GAL3ST1: variants seen among roughly 807,000 people sequenced by gnomAD.
GAL3ST1 encodes galactosylceramide sulfotransferase.
In GAL3ST1, 13 loss-of-function variants were observed where a neutral mutation model predicts 25.0. That is an observed-to-expected ratio of 0.52 (90% CI 0.34 to 0.83). GAL3ST1 has a LOEUF of 0.83. GAL3ST1 is among the 40% of genes least tolerant of loss of function. GAL3ST1 has a pLI of 0.02. For missense variants in GAL3ST1, 474 were observed against 613.6 expected (o/e 0.77, Z 2.40); for synonymous variants, 274 against 277.8 (o/e 0.99, Z 0.14).
intron 1 of GAL3ST1, among the ~76,000 whole-genome samples, chr22:30,566,778 T>A (rs2086637673): frequency 6.7e-6 from 1 of 150,212 alleles, no homozygotes; most frequent in Non-Finnish European, 1.5e-5. Context: ...CTCGGCTAAT[T>A]TTTTGTATTT....
intron 1 of GAL3ST1, among the ~76,000 whole-genome samples, chr22:30,567,275 CTG>C (rs957176789): frequency 7.2e-5 from 11 of 152,002 alleles, no homozygotes; most frequent in African/African-American, 2.2e-4. Flanking sequence ...GGAATGGAAA[CTG>C]TTTTTGTTTT....
chr22:30,568,544 C>A (rs1268376921), intron 1 of GAL3ST1, among the ~76,000 whole-genome samples: 1 of 152,132 alleles, frequency 6.6e-6, no homozygotes, highest in African/African-American at 2.4e-5. Flanking sequence ...TTCAAGAAAA[C>A]GAGAACTGTA....
intron 2 of GAL3ST1, chr22:30,557,738 T>G (rs1484248019): frequency 1.5e-5 from 3 of 204,476 alleles, no homozygotes; most frequent in Non-Finnish European, 2.9e-5. Context: ...TGATAAGAAA[T>G]AAAAGAAAAA....
intron 1 of GAL3ST1, among the ~76,000 whole-genome samples, chr22:30,568,953 G>GT (rs1378704667): frequency 9.9e-5 from 15 of 151,996 alleles, no homozygotes; most frequent in Admixed American, 5.2e-4. Flanking sequence ...GCAGGCGCAT[G>GT]TAATACCAGC....
chr22:30,556,841 T>C (rs906501519), intron 3 of GAL3ST1, among the ~76,000 whole-genome samples: 1 of 152,120 alleles, frequency 6.6e-6, no homozygotes, highest in Non-Finnish European at 1.5e-5. Context: ...TTCAAGCAAT[T>C]CTCCTGCCTC....
At chr22:30,564,585 T>C (rs2086565270) in intron 1 of GAL3ST1, among the ~76,000 whole-genome samples, 1 of 152,194 alleles carries the variant, frequency 6.6e-6, no homozygotes, top group Non-Finnish European at 1.5e-5. Flanking sequence ...GCCCATCACA[T>C]TGGCCTGCAT....
chr22:30,563,615 C>A (rs2412992), intron 1 of GAL3ST1, among the ~76,000 whole-genome samples: 12,021 of 151,766 alleles, frequency 0.079, 559 homozygotes, highest in South Asian at 0.17. Flanking sequence ...GACCCTATCT[C>A]AAAAAAATTA....
chr22:30,556,083 C>A lies in GAL3ST1; in HGVS notation c.142G>T (p.Ala48Ser). 1.2e-6 allele frequency: 2 copies of A among 1,602,206 alleles called. No individual in the cohort carries two copies. The highest frequency in any genetic ancestry group is 4.5e-5 in the East Asian group (2 of 44,754). The change falls in exon 4 of 4, where the codon GCC becomes TCC. Residue 48 changes from alanine (A) to serine (S), a missense_variant. Ala to Ser is a moderately conservative substitution (Grantham distance 99). This residue lies in a region of GAL3ST1 where 115 missense variants were observed against 109.2 expected (regional missense o/e 1.05). Transcript: ENST00000406361. ...HAGLASTTPE[A>S]AASCSPPALE... The stretch of plus-strand genomic sequence containing the variant: ...GCAGGTGGAGAGCAGGACGCTGCGG[C>A]CTCCGGGGTCCTGCTGGGGACAGAG...
At chr22:30,564,217 C>T (rs1351107644) in intron 1 of GAL3ST1, among the ~76,000 whole-genome samples, 1 of 152,188 alleles carries the variant, frequency 6.6e-6, no homozygotes, top group African/African-American at 2.4e-5. Context: ...CTCAGCAGGG[C>T]CTGCCATCAT....
intron 1 of GAL3ST1, among the ~76,000 whole-genome samples, chr22:30,563,859 C>T (rs1246124932): frequency 2.7e-5 from 4 of 149,022 alleles, no homozygotes; most frequent in Middle Eastern, 7.0e-3. Flanking sequence ...GAGCTTGCAG[C>T]GAGCCGAGAT....
At chr22:30,559,529 G>A (rs138545984) in intron 1 of GAL3ST1, among the ~76,000 whole-genome samples, 92 of 152,196 alleles carry the variant, frequency 6.0e-4, no homozygotes, top group African/African-American at 1.4e-3. Flanking sequence ...ATGAGCCACC[G>A]CGCCTGGCCC....
rs2085883235 is a variant in GAL3ST1 at position 30,554,764 on chromosome 22, AT to A, written c.*188del. On this transcript the variant is annotated 3_prime_UTR_variant, in exon 4 of 4. Transcript: ENST00000406361. ...AACTGGTATAATTAGTTAAATACTG[AT>A]CTCGGTTAGGCCCTCTCTGTGTTCA... 3 of 519,528 alleles carry A rather than the reference AT, an allele frequency of 5.8e-6. No homozygotes were observed. Among genetic ancestry groups the A allele is most frequent in the Admixed American group, 3.7e-5 (1 of 27,000 alleles). The allele number at this position is 519,528 out of a possible 1,614,324, so 32.2% of individuals were successfully genotyped here.
In GAL3ST1 at chr22:30,554,798, A is replaced by C; in HGVS notation, c.*155T>G. The C allele has an allele frequency of 1.8e-6, 1 of 570,662 alleles. No individual in the cohort carries two copies. Among genetic ancestry groups the C allele is most frequent in the Non-Finnish European group, 3.1e-6 (1 of 327,788 alleles). 35.3% of individuals were successfully genotyped at this position (570,662 alleles called of 1,614,324 possible). On this transcript the variant is annotated 3_prime_UTR_variant, in exon 4 of 4. Transcript: ENST00000406361. ...AGGCCCTCTCTGTGTTCATGGGCCC[A>C]GTCTTGGCTGGCTGCCTCCCCCCAG...
At position 30,567,859 on chromosome 22, in the gene GAL3ST1, T is replaced by G. The variant is rs958935650; in HGVS notation, c.-120+6607A>C. On this transcript the variant is annotated intron_variant, in intron 1 of 3. Transcript: ENST00000406361. ...CCACCACACCCAGCTAATTTTGTATTTTTAGTAGAGACAGGGTTTCACCAC... is the reference window on the plus strand; with the variant it reads ...CCACCACACCCAGCTAATTTTGTATGTTTAGTAGAGACAGGGTTTCACCAC... Among the ~76,000 whole-genome samples, 6 of 151,938 alleles carry G rather than the reference T, an allele frequency of 3.9e-5. No homozygotes were observed. The East Asian group carries it at 1.2e-3, about 29-fold the overall frequency.
In GAL3ST1 at chr22:30,563,507, T is replaced by C. The variant is rs2086514535; in HGVS notation, c.-119-5119A>G. Reference sequence around the variant, plus strand: ...GGTGCATGCCTGTAGTCCCAGCTACTGGGGAGGCTGAGGCGGAAGTATCAC... The same window carrying C: ...GGTGCATGCCTGTAGTCCCAGCTACCGGGGAGGCTGAGGCGGAAGTATCAC... On this transcript the variant is annotated intron_variant, in intron 1 of 3. Transcript: ENST00000406361. Among the ~76,000 whole-genome samples, 2 of 152,092 alleles carry C rather than the reference T, an allele frequency of 1.3e-5. 1 individual carries two copies. The highest frequency in any genetic ancestry group is 4.1e-4 in the South Asian group (2 of 4,824).
At position 30,556,228 on chromosome 22, in the gene GAL3ST1, C is replaced by A. The variant is rs2086018118; in HGVS notation, c.132-135G>T. On this transcript the variant is annotated intron_variant, in intron 3 of 3. Coordinates refer to ENST00000406361, the MANE Select transcript of GAL3ST1 (RefSeq NM_001318104.2). ...ATAGTGAGACCTGTGGGGCCTGAGT[C>A]CAGGCTGGGTGCCTGCGCGGGTGGT... 5 of 722,510 alleles carry A rather than the reference C, an allele frequency of 6.9e-6. No homozygotes were observed. In the South Asian group the frequency reaches 9.4e-5, roughly 14 times the overall value. The allele number at this position is 722,510 out of a possible 1,614,324, so 44.8% of individuals were successfully genotyped here.
chr22:30,565,551 C>T (rs966996366), intron 1 of GAL3ST1, among the ~76,000 whole-genome samples: 1 of 152,216 alleles, frequency 6.6e-6, no homozygotes, highest in African/African-American at 2.4e-5. Context: ...CTGACCAGGG[C>T]TCAGAAGATG....
At chr22:30,563,612 T>C (rs1349858404) in intron 1 of GAL3ST1, among the ~76,000 whole-genome samples, 1 of 151,310 alleles carries the variant, frequency 6.6e-6, no homozygotes, top group Non-Finnish European at 1.5e-5. Flanking sequence ...CAAGACCCTA[T>C]CTCAAAAAAA....
Position 30,554,997 on chromosome 22 carries a change from C to G in GAL3ST1, c.1228G>C (p.Val410Leu). 1 of 1,593,388 alleles carries G rather than the reference C, an allele frequency of 6.3e-7. No homozygotes were observed. The highest frequency in any genetic ancestry group is 8.6e-7 in the Non-Finnish European group (1 of 1,165,148). Residue 410 changes from valine to leucine, a missense_variant, in exon 4 of 4, where the codon GTC becomes CTC. Transcript: ENST00000406361. Reference protein sequence around the residue: ...YLMDLGANLWVTKLWKFIRDF... With the variant: ...YLMDLGANLWLTKLWKFIRDF... ...CGAATGAACTTCCAGAGCTTGGTGA[C>G]CCACAGGTTGGCGCCGAGGTCCATC...
Sources: gnomAD v4.1 joint callset for allele counts (sites outside exome capture counted in the v4.1 genomes callset) on GRCh38, gnomAD v4.1.1 for gene constraint, gnomAD v4.1.1 regional missense constraint, MANE v1.5 for transcripts, NCBI Gene and HGNC (gene_info 2026-07-23, HGNC 2026-07-21) for gene names.